Variants in NAPEPLD observed in about 807,000 individuals in gnomAD.
NAPEPLD encodes the protein N-acyl-phosphatidylethanolamine-hydrolyzing phospholipase D.
Under a neutral mutation model 38.1 loss-of-function variants are expected in NAPEPLD, and 23 were observed. The observed-to-expected ratio is 0.60, with a 90% confidence interval of 0.43 to 0.86. The LOEUF (loss-of-function observed/expected upper bound fraction) is 0.86, where lower values mean the gene tolerates loss of function less well. Ranked by LOEUF, NAPEPLD falls within the 40% of genes least tolerant of loss-of-function variation. The probability of loss-of-function intolerance (pLI) is 0.00; values close to 1 mark genes in which losing one functional copy is unlikely to be tolerated. For synonymous variants in NAPEPLD, 147 were observed against 162.0 expected (o/e 0.91, Z 0.71); for missense variants, 411 against 476.8 (o/e 0.86, Z 1.28).
At chr7:103,141,997 C>A (rs1232380821) in intron 1 of NAPEPLD, 6 of 673,016 alleles carry the variant, frequency 8.9e-6, no homozygotes, top group South Asian at 8.5e-5. Context: ...TTAAACTACA[C>A]CAGAGGCTAC....
intron 1 of NAPEPLD, among the ~76,000 whole-genome samples, chr7:103,133,245 G>A (rs1439849026): frequency 1.3e-5 from 2 of 152,150 alleles, no homozygotes; most frequent in Non-Finnish European, 2.9e-5. Flanking sequence ...CAACTGCCAC[G>A]TTGTCATATC....
At chr7:103,110,770 G>A (rs948689607) in intron 4 of NAPEPLD, among the ~76,000 whole-genome samples, 6 of 152,108 alleles carry the variant, frequency 3.9e-5, no homozygotes, top group African/African-American at 1.4e-4. Context: ...ATTCAATTAG[G>A]AAAAGAGGAA....
chr7:103,107,409 T>C (rs1242775344), intron 4 of NAPEPLD, among the ~76,000 whole-genome samples: 1 of 152,060 alleles, frequency 6.6e-6, no homozygotes, highest in South Asian at 2.1e-4. Context: ...GTTTGATGAA[T>C]TGACAGAAGC....
chr7:103,129,072 C>A (rs1808413806), intron 1 of NAPEPLD, among the ~76,000 whole-genome samples: 1 of 152,110 alleles, frequency 6.6e-6, no homozygotes, highest in African/African-American at 2.4e-5. Context: ...TCGAGACCAG[C>A]CTGACCAACA....
intron 1 of NAPEPLD, among the ~76,000 whole-genome samples, chr7:103,136,357 A>T (rs1327882968): frequency 1.3e-5 from 2 of 151,252 alleles, no homozygotes; most frequent in Non-Finnish European, 2.9e-5. Context: ...AGACTGCCTG[A>T]GCTCAGGAGT....
chr7:103,108,924 A>T (rs1451610095), intron 4 of NAPEPLD, among the ~76,000 whole-genome samples: 1 of 152,204 alleles, frequency 6.6e-6, no homozygotes, highest in East Asian at 1.9e-4. Context: ...AAGCAAAAAA[A>T]AGCAGGGGTT....
intron 1 of NAPEPLD, among the ~76,000 whole-genome samples, chr7:103,129,886 C>T (rs1007650031): frequency 6.6e-6 from 1 of 152,212 alleles, no homozygotes; most frequent in African/African-American, 2.4e-5. Context: ...CCCAACATCA[C>T]AGCTCAATCA....
At chr7:103,132,441 C>G (rs537867205) in intron 1 of NAPEPLD, among the ~76,000 whole-genome samples, 1 of 152,012 alleles carries the variant, frequency 6.6e-6, no homozygotes, top group Non-Finnish European at 1.5e-5. Flanking sequence ...GCTGGTTGGT[C>G]AGGAGGAGAG....
rs528790676 is a variant in NAPEPLD, at chr7:103,113,756, G to A, written c.1056+1304C>T. The stretch of plus-strand genomic sequence containing the variant: ...AGTTATTCTCCTGCCTCAGGCTCCC[G>A]AGTAGCTGGAATTATAGGCGCCTGC... On this transcript the variant is annotated intron_variant, in intron 4 of 4. Transcript: ENST00000465647. Among the ~76,000 whole-genome samples the A allele has an allele frequency of 4.6e-5, 7 of 151,248 alleles. No individual in the cohort carries two copies. In the South Asian group the frequency reaches 6.3e-4, roughly 14 times the overall value.
chr7:103,143,868 A>AT (rs1812002275), intron 1 of NAPEPLD, among the ~76,000 whole-genome samples: 1 of 152,192 alleles, frequency 6.6e-6, no homozygotes, highest in Non-Finnish European at 1.5e-5. Flanking sequence ...TTCCTAATCC[A>AT]TATGTGGGTG....
chr7:103,123,723 A>G (rs1807177289), intron 2 of NAPEPLD, among the ~76,000 whole-genome samples: 1 of 152,220 alleles, frequency 6.6e-6, no homozygotes, highest in African/African-American at 2.4e-5. Context: ...GGGAAGTTAC[A>G]GCACTCAGGC....
At chr7:103,125,599 A>G (rs1807589003) in intron 2 of NAPEPLD, among the ~76,000 whole-genome samples, 1 of 152,140 alleles carries the variant, frequency 6.6e-6, no homozygotes, top group Non-Finnish European at 1.5e-5. Flanking sequence ...TGAAACAAAT[A>G]GGGCCAGGCA....
At chr7:103,114,439 A>C (rs776465422) in intron 4 of NAPEPLD, among the ~76,000 whole-genome samples, 25 of 152,130 alleles carry the variant, frequency 1.6e-4, no homozygotes, top group Non-Finnish European at 2.9e-4. Context: ...AGAAAGTTCC[A>C]CACTAGCCTT....
chr7:103,111,174 C>T (rs1183789457), intron 4 of NAPEPLD, among the ~76,000 whole-genome samples: 1 of 152,016 alleles, frequency 6.6e-6, no homozygotes, highest in Non-Finnish European at 1.5e-5. Context: ...TGTGAAAATG[C>T]TCATACTGCC....
chr7:103,142,013 C>A, intron 1 of NAPEPLD: 2 of 634,888 alleles, frequency 3.2e-6, no homozygotes, highest in East Asian at 2.6e-5. Context: ...GCTACTGAAT[C>A]AAAATGTCAG....
intron 2 of NAPEPLD, among the ~76,000 whole-genome samples, chr7:103,120,701 C>CTTTTTTTTT (rs869141133): frequency 0.023 from 1,933 of 82,506 alleles, 230 homozygotes; most frequent in East Asian, 0.033. Context: ...TGATATTTTT[C>CTTTTTTTTT]TTTTTTTTTT....
intron 1 of NAPEPLD, among the ~76,000 whole-genome samples, chr7:103,130,456 T>C (rs562235018): frequency 1.7e-4 from 26 of 152,304 alleles, no homozygotes; most frequent in African/African-American, 6.0e-4. Context: ...TCCTCCATTT[T>C]CTCCTGGTAA....
intron 4 of NAPEPLD, among the ~76,000 whole-genome samples, chr7:103,114,122 C>T (rs1389175436): frequency 6.6e-6 from 1 of 152,058 alleles, no homozygotes; most frequent in Non-Finnish European, 1.5e-5. Context: ...GTCTCGAACT[C>T]CTGACCTCAA....
intron 4 of NAPEPLD, among the ~76,000 whole-genome samples, chr7:103,110,320 C>T (rs1563347179): frequency 1.3e-5 from 2 of 152,160 alleles, no homozygotes; most frequent in Admixed American, 1.3e-4. Context: ...CCCTGATGAA[C>T]ATCGATGCGA....
Sources: allele counts gnomAD v4.1 joint callset (sites outside exome capture counted in the v4.1 genomes callset), GRCh38; gene constraint gnomAD v4.1.1; transcripts MANE v1.5; gene names NCBI Gene and HGNC (gene_info 2026-07-23, HGNC 2026-07-21).